RGPD5: variants seen among roughly 807,000 people sequenced by gnomAD.
RGPD5 encodes RANBP2 like and GRIP domain containing 5, also known as RANBP2-like and GRIP domain-containing protein 5/6.
chr2:109,763,463 A>G, the RGPD5 span, among the ~76,000 whole-genome samples: 1 of 150,290 alleles, frequency 6.7e-6, no homozygotes, highest in African/African-American at 2.4e-5. Flanking sequence ...GACAATTGCC[A>G]TTTTCTAGAG....
At chr2:109,763,178 C>G in the RGPD5 span, among the ~76,000 whole-genome samples, 1 of 150,024 alleles carries the variant, frequency 6.7e-6, no homozygotes, top group African/African-American at 2.4e-5. Flanking sequence ...TGTTAAATGA[C>G]TTTACTGAGG....
chr2:109,760,901 G>C, the RGPD5 span, among the ~76,000 whole-genome samples: 1 of 134,358 alleles, frequency 7.4e-6, no homozygotes, highest in African/African-American at 2.8e-5. Context: ...GGTCGGGGGC[G>C]CCTGCCTCGC....
the RGPD5 span, among the ~76,000 whole-genome samples, chr2:109,764,112 T>C: frequency 6.7e-6 from 1 of 149,206 alleles, no homozygotes; most frequent in Non-Finnish European, 1.5e-5. Context: ...CAGCCATACC[T>C]TAAAGTTGAA....
chr2:109,763,812 C>T, the RGPD5 span, among the ~76,000 whole-genome samples: 2 of 149,532 alleles, frequency 1.3e-5, no homozygotes, highest in Admixed American at 6.9e-5. Flanking sequence ...AATTGATGGA[C>T]ATCATTTTCC....
chr2:109,779,706 G>A, the RGPD5 span, among the ~76,000 whole-genome samples: 2 of 10,134 alleles, frequency 2.0e-4, no homozygotes, highest in African/African-American at 3.0e-4. Context: ...TTGCTTATTG[G>A]ATTTGGGAAT....
the RGPD5 span, among the ~76,000 whole-genome samples, chr2:109,761,442 C>G: frequency 2.0e-5 from 3 of 149,880 alleles, no homozygotes; most frequent in Admixed American, 2.0e-4. Context: ...CTCCCCACCC[C>G]ACCCGGGCGC....
At chr2:109,766,754 A>C in the RGPD5 span, among the ~76,000 whole-genome samples, 5 of 149,308 alleles carry the variant, frequency 3.3e-5, no homozygotes, top group Admixed American at 6.9e-5. Flanking sequence ...TTTGTGTGTA[A>C]GTGGAATTTT....
At chr2:109,763,510 G>A in the RGPD5 span, among the ~76,000 whole-genome samples, 94 of 150,272 alleles carry the variant, frequency 6.3e-4, no homozygotes, top group African/African-American at 2.1e-3. Flanking sequence ...GGACAGCTCC[G>A]AAATTAATTA....
chr2:109,760,760 C>G, the RGPD5 span, among the ~76,000 whole-genome samples: 2 of 143,388 alleles, frequency 1.4e-5, no homozygotes, highest in African/African-American at 2.5e-5. Flanking sequence ...AATGGGACCT[C>G]GAGTCACTGT....
At chr2:109,761,011 G>T in the RGPD5 span, among the ~76,000 whole-genome samples, 1 of 136,578 alleles carries the variant, frequency 7.3e-6, no homozygotes, top group African/African-American at 2.8e-5. Flanking sequence ...CCCAGCCCAG[G>T]GACTGGTGAT....
intron 1 of RGPD5, 63 bp downstream of exon 1, chr2:109,794,600 GGCGGCGGC>G (rs746441754): frequency 2.3e-6 from 2 of 857,124 alleles, no homozygotes; most frequent in African/African-American, 2.1e-5. Flanking sequence ...CGGCGGCGGC[GGCGGCGGC>G]GGGGGGGGCG....
At chr2:109,761,696 G>T in the RGPD5 span, among the ~76,000 whole-genome samples, 10 of 147,548 alleles carry the variant, frequency 6.8e-5, no homozygotes, top group Non-Finnish European at 1.3e-4. Flanking sequence ...GCACTATTCA[G>T]GTGGTAAAAT....
At chr2:109,771,509 A>T in the RGPD5 span, among the ~76,000 whole-genome samples, 2 of 87,880 alleles carry the variant, frequency 2.3e-5, 1 homozygote, top group African/African-American at 1.2e-4. Context: ...GGACTCTCTT[A>T]TTTGTGTTCC....
Position 109,794,571 on chromosome 2 carries a change from C to CGGCCCCG in RGPD5, c.72+35_72+36insGCCCCGG, listed in dbSNP as rs1559006868. ...GTCTCGAAGAGAGCGACGGCGGCCTCGACCCGGCCGGGGGGCGGCGGCGGC... is the reference window on the plus strand; with the variant it reads ...GTCTCGAAGAGAGCGACGGCGGCCTCGGCCCCGGACCCGGCCGGGGGGCGGCGGCGGC... On this transcript the variant is annotated intron_variant, in intron 1 of 22. Transcript: ENST00000016946. 6.3e-6 allele frequency: 6 copies of CGGCCCCG among 954,016 alleles called. No homozygotes were observed. The African/African-American group carries it at 1.3e-4, about 21-fold the overall frequency. 59.1% of individuals were successfully genotyped at this position (954,016 alleles called of 1,614,324 possible). A position where few individuals can be genotyped will look rare whatever the true frequency, so the allele number is the denominator to read the frequency against.
At chr2:109,794,711 A>G in intron 1 of RGPD5, 174 bp downstream of exon 1, 3 of 662,822 alleles carry the variant, frequency 4.5e-6, no homozygotes, top group Non-Finnish European at 3.5e-6. Context: ...CGGCTGGCGC[A>G]GTCCTGTGGG....
At chr2:109,774,539 AAAATAT>A in the RGPD5 span, among the ~76,000 whole-genome samples, 11 of 95,608 alleles carry the variant, frequency 1.2e-4, no homozygotes, top group East Asian at 3.3e-3. Context: ...TATTATATAT[AAAATAT>A]ATATAATATA....
the RGPD5 span, among the ~76,000 whole-genome samples, chr2:109,766,212 A>T: frequency 4.6e-4 from 68 of 148,900 alleles, no homozygotes; most frequent in East Asian, 4.4e-3. Flanking sequence ...GCCTTCTCAG[A>T]AGAGTGGCTT....
the RGPD5 span, among the ~76,000 whole-genome samples, chr2:109,779,330 C>T: frequency 1.3e-5 from 1 of 77,942 alleles, no homozygotes; most frequent in East Asian, 3.9e-4. Context: ...ACCCACGAGT[C>T]ACAAGTTTAT....
At chr2:109,765,587 G>A in the RGPD5 span, among the ~76,000 whole-genome samples, 1 of 150,168 alleles carries the variant, frequency 6.7e-6, no homozygotes, top group African/African-American at 2.4e-5. Flanking sequence ...TCATGGTGGG[G>A]TGGCATTTGA....
Sources: allele counts gnomAD v4.1 joint callset (sites outside exome capture counted in the v4.1 genomes callset), GRCh38; gene constraint gnomAD v4.1.1; transcripts MANE v1.5; gene names NCBI Gene and HGNC (gene_info 2026-07-23, HGNC 2026-07-21).